The following SSBP3 variants were observed in gnomAD, a reference collection of about 807,000 sequenced individuals.
The protein encoded by SSBP3 is single stranded DNA binding protein 3.
In SSBP3, 5 loss-of-function variants were observed where a neutral mutation model predicts 69.6. The observed-to-expected ratio is 0.07, with a 90% CI of 0.04 to 0.15. SSBP3 has a LOEUF of 0.15. Among genes scored for constraint, SSBP3 ranks in the 10% least tolerant of loss-of-function variants. The pLI is 1.00. For synonymous variants in SSBP3, 196 were observed against 193.4 expected (o/e 1.01, Z -0.11); for missense variants, 312 against 534.0 (o/e 0.58, Z 4.10).
intron 5 of SSBP3, among the ~76,000 whole-genome samples, chr1:54,274,267 T>A (rs1202781756): frequency 6.6e-6 from 1 of 152,234 alleles, no homozygotes; most frequent in African/African-American, 2.4e-5. Context: ...CTGGCCAATT[T>A]GAGCCTCAGT....
In SSBP3 at chr1:54,402,444, C is replaced by T. The variant is rs192036327; in HGVS notation, c.192-499G>A. Among the ~76,000 whole-genome samples the T allele has an allele frequency of 6.7e-4, 102 of 152,250 alleles. No individual in the cohort carries two copies. In the East Asian group the frequency reaches 0.017, roughly 25 times the overall value. ...ACACAACTATGATTCATATATGCCG[C>T]GATTTGGAAGACTCTGGCAATAGGA... On this transcript the variant is annotated intron_variant, in intron 3 of 17. Transcript: ENST00000610401.
At chr1:54,235,978 G>GT (rs1467688867) in intron 14 of SSBP3, among the ~76,000 whole-genome samples, 1 of 152,200 alleles carries the variant, frequency 6.6e-6, no homozygotes, top group Non-Finnish European at 1.5e-5. Context: ...TATTCCTGCT[G>GT]TATGAGGTTT....
At chr1:54,272,966 C>A (rs997302742) in intron 5 of SSBP3, among the ~76,000 whole-genome samples, 2 of 152,180 alleles carry the variant, frequency 1.3e-5, no homozygotes, top group Non-Finnish European at 2.9e-5. Context: ...GTCCAAGAGG[C>A]CAGAGACTCC....
chr1:54,227,071 A>C (rs538650376), exon 18 of SSBP3: 1 of 1,428,838 alleles, frequency 7.0e-7, no homozygotes, highest in Non-Finnish European at 9.8e-7. Flanking sequence ...CTTCTTGCAT[A>C]ATTTCTGGCA....
At chr1:54,268,820 C>A (rs775709812) in intron 5 of SSBP3, among the ~76,000 whole-genome samples, 1 of 152,160 alleles carries the variant, frequency 6.6e-6, no homozygotes, top group African/African-American at 2.4e-5. Context: ...CACAGTCACA[C>A]GGGCAGGTGC....
intron 4 of SSBP3, among the ~76,000 whole-genome samples, chr1:54,330,980 C>A (rs1037233405): frequency 1.3e-5 from 2 of 152,200 alleles, no homozygotes; most frequent in Admixed American, 1.3e-4. Flanking sequence ...ACTGAAGGCA[C>A]TGTTAAATGG....
In SSBP3 at chr1:54,294,164, AAAGAAAGAAAGAAAGAAAG is replaced by A. The variant is rs1557504878; in HGVS notation, c.277-12656_277-12638del. 2.2e-3 allele frequency among the ~76,000 whole-genome samples: 151 copies of A among 67,820 alleles called. 1 individual carries two copies. The highest frequency in any genetic ancestry group is 7.5e-3 in the African/African-American group (140 of 18,786). The allele number at this position is 67,820 out of a possible 152,430, so 44.5% of individuals were successfully genotyped here. A position where few individuals can be genotyped will look rare whatever the true frequency, so the allele number is the denominator to read the frequency against. ...TCTCAAAAAAAAAAAAAAAAAAAAG[AAAGAAAGAAAGAAAGAAAG>A]AAAGAAAGAAAAGAAAAAAGAAATC... On this transcript the variant is annotated intron_variant, in intron 4 of 17. Transcript: ENST00000610401.
At chr1:54,257,741 G>A (rs1035810109) in intron 6 of SSBP3, among the ~76,000 whole-genome samples, 6 of 152,082 alleles carry the variant, frequency 3.9e-5, no homozygotes, top group Non-Finnish European at 5.9e-5. Context: ...GAAAAGGCTC[G>A]GGATGCAGCT....
At chr1:54,347,439 A>G (rs571100222) in intron 4 of SSBP3, among the ~76,000 whole-genome samples, 97 of 151,358 alleles carry the variant, frequency 6.4e-4, no homozygotes, top group African/African-American at 2.3e-3. Context: ...AGCCTCAAAC[A>G]ATCCTCCCAC....
intron 14 of SSBP3, among the ~76,000 whole-genome samples, chr1:54,229,956 A>G (rs1644353905): frequency 6.6e-6 from 1 of 152,230 alleles, no homozygotes; most frequent in South Asian, 2.1e-4. Context: ...GAGAAATCAG[A>G]ACCGGCTGCC....
At chr1:54,227,488 C>A (rs1008876718) in intron 17 of SSBP3, among the ~76,000 whole-genome samples, 24 of 152,356 alleles carry the variant, frequency 1.6e-4, no homozygotes, top group African/African-American at 5.8e-4. Flanking sequence ...CTGCCCCTTG[C>A]CCAGTGCAGG....
chr1:54,270,690 A>G (rs1257211713), intron 5 of SSBP3, among the ~76,000 whole-genome samples: 2 of 152,210 alleles, frequency 1.3e-5, no homozygotes, highest in Non-Finnish European at 2.9e-5. Flanking sequence ...AGAACAGTAC[A>G]GTCCCAGACA....
upstream of SSBP3, among the ~76,000 whole-genome samples, chr1:54,407,450 G>A (rs1386259190): frequency 6.6e-6 from 1 of 151,564 alleles, no homozygotes; most frequent in Non-Finnish European, 1.5e-5. Context: ...GGGAAATTGA[G>A]GGGGGGGCTG....
intron 4 of SSBP3, among the ~76,000 whole-genome samples, chr1:54,394,763 C>T (rs1570042608): frequency 1.4e-5 from 2 of 138,334 alleles, no homozygotes; most frequent in South Asian, 4.6e-4. Context: ...AGTGCAATGG[C>T]GCCATCTCGG....
chr1:54,278,545 C>T (rs1359184344), intron 5 of SSBP3, among the ~76,000 whole-genome samples: 1 of 152,196 alleles, frequency 6.6e-6, no homozygotes, highest in African/African-American at 2.4e-5. Flanking sequence ...CAGTCAGAGG[C>T]CTGCAGAAGC....
Position 54,242,036 on chromosome 1 carries a change from C to T in SSBP3, c.765+128G>A, listed in dbSNP as rs1644648365. ...CCTCCACCTCCACACGGCCTTCTCC[C>T]TAGAAGCATCAGGAGAGTCCTGCTG... On this transcript the variant is annotated intron_variant, in intron 11 of 17. Coordinates refer to ENST00000610401, the Ensembl canonical transcript of SSBP3. 1.7e-5 allele frequency: 19 copies of T among 1,127,036 alleles called. No individual in the cohort carries two copies. In the South Asian group the frequency reaches 2.7e-4, roughly 16 times the overall value. The allele number at this position is 1,127,036 out of a possible 1,614,324, so 69.8% of individuals were successfully genotyped here.
intron 4 of SSBP3, among the ~76,000 whole-genome samples, chr1:54,353,380 A>C (rs982135508): frequency 1.1e-4 from 16 of 152,194 alleles, no homozygotes; most frequent in Non-Finnish European, 1.6e-4. Context: ...GAAAATCTTC[A>C]GCTCAACACC....
chr1:54,397,272 T>A (rs1648961270), intron 4 of SSBP3, among the ~76,000 whole-genome samples: 2 of 151,966 alleles, frequency 1.3e-5, no homozygotes, highest in East Asian at 1.9e-4. Flanking sequence ...CACCCTCTTG[T>A]CCCCCTCCCC....
At chr1:54,348,248 G>T (rs1432670752) in intron 4 of SSBP3, among the ~76,000 whole-genome samples, 20 of 9,192 alleles carry the variant, frequency 2.2e-3, no homozygotes, top group African/African-American at 7.2e-3. Flanking sequence ...CATGGGGGGC[G>T]GGGGGGGGGG....
Sources: gnomAD v4.1 joint callset for allele counts (sites outside exome capture counted in the v4.1 genomes callset) on GRCh38, gnomAD v4.1.1 for gene constraint, MANE v1.5 for transcripts, NCBI Gene and HGNC (gene_info 2026-07-23, HGNC 2026-07-21) for gene names.